Variants in TENM4 observed in about 807,000 individuals in gnomAD.
TENM4 encodes the protein teneurin transmembrane protein 4.
In TENM4, 82 loss-of-function variants were observed where a neutral mutation model predicts 243.3. The observed-to-expected ratio is 0.34, with a 90% CI of 0.28 to 0.40. The LOEUF (loss-of-function observed/expected upper bound fraction) is 0.40, where lower values mean the gene tolerates loss of function less well. Ranked by LOEUF, TENM4 falls within the 10% of genes least tolerant of loss-of-function variation. The pLI is 1.00. For missense variants in TENM4, 3,138 were observed against 3,673.3 expected (o/e 0.85, Z 3.77); for synonymous variants, 1,412 against 1,456.3 (o/e 0.97, Z 0.69).
chr11:79,284,796 A>C (rs888126358), intron 2 of TENM4, among the ~76,000 whole-genome samples: 5 of 152,248 alleles, frequency 3.3e-5, no homozygotes, highest in African/African-American at 9.6e-5. Flanking sequence ...TGCAAATCAT[A>C]TATCAGACAA....
intron 2 of TENM4, among the ~76,000 whole-genome samples, chr11:79,265,136 T>A (rs1855861956): frequency 6.6e-6 from 1 of 152,160 alleles, no homozygotes; most frequent in South Asian, 2.1e-4. Flanking sequence ...AACTGACAGA[T>A]CTCAGTTCCT....
intron 6 of TENM4, among the ~76,000 whole-genome samples, chr11:79,046,389 T>G (rs189190015): frequency 6.6e-6 from 1 of 152,288 alleles, no homozygotes; most frequent in Admixed American, 6.5e-5. Context: ...TAAAAGAGCC[T>G]GTCATAGTGC....
chr11:79,393,259 C>A (rs1458661555), intron 1 of TENM4, among the ~76,000 whole-genome samples: 1 of 152,044 alleles, frequency 6.6e-6, no homozygotes, highest in East Asian at 1.9e-4. Context: ...AAAGAAGAGG[C>A]TCCGAGATCA....
chr11:79,010,508 T>C (rs1565165947), intron 6 of TENM4, among the ~76,000 whole-genome samples: 1 of 151,946 alleles, frequency 6.6e-6, no homozygotes, highest in Non-Finnish European at 1.5e-5. Flanking sequence ...GGGTAACTTA[T>C]AAAGAAAAAG....
intron 3 of TENM4, among the ~76,000 whole-genome samples, chr11:79,173,865 A>G (rs1251635326): frequency 6.6e-6 from 1 of 152,250 alleles, no homozygotes; most frequent in Admixed American, 6.5e-5. Context: ...GCCCAGAAGA[A>G]TGTCTTCAGG....
At chr11:78,973,312 AT>A (rs1307212240) in intron 6 of TENM4, among the ~76,000 whole-genome samples, 1 of 152,168 alleles carries the variant, frequency 6.6e-6, no homozygotes, top group Non-Finnish European at 1.5e-5. Context: ...GAGGGTGCCA[AT>A]TTCTCCACAT....
chr11:78,914,090 G>A (rs1035851573), intron 6 of TENM4, among the ~76,000 whole-genome samples: 3 of 152,158 alleles, frequency 2.0e-5, no homozygotes, highest in East Asian at 1.9e-4. Context: ...CCAATCACAC[G>A]GTGTATTCAA....
chr11:79,436,570 C>A (rs1403312177), intron 1 of TENM4, among the ~76,000 whole-genome samples: 1 of 152,142 alleles, frequency 6.6e-6, no homozygotes, highest in Non-Finnish European at 1.5e-5. Flanking sequence ...GAAGAGAGTC[C>A]GTGGGAACCC....
chr11:78,745,783 T>C (rs772350374), intron 19 of TENM4, among the ~76,000 whole-genome samples: 9 of 152,238 alleles, frequency 5.9e-5, no homozygotes, highest in Non-Finnish European at 7.3e-5. Flanking sequence ...ATAGTGTGTA[T>C]GTGACTTTTT....
chr11:78,782,829 C>A (rs1306352288), intron 16 of TENM4, among the ~76,000 whole-genome samples: 2 of 149,804 alleles, frequency 1.3e-5, no homozygotes, highest in Non-Finnish European at 3.0e-5. Flanking sequence ...TTTATAATTT[C>A]TCTTCATTGG....
In TENM4 at chr11:79,102,705, T is replaced by A. The variant is rs1455092547; in HGVS notation, c.-65-32696A>T. ...CCTCAAGTGATCTTTCCAAAGCAAC[T>A]CTGTCCAAAAAGGACTTTCTGTCAC... On this transcript the variant is annotated intron_variant, in intron 4 of 33. Coordinates refer to ENST00000278550, the MANE Select transcript of TENM4 (RefSeq NM_001098816.3). 2.0e-5 allele frequency among the ~76,000 whole-genome samples: 3 copies of A among 152,220 alleles called. No homozygotes were observed. The South Asian group carries it at 6.2e-4, about 32-fold the overall frequency.
intron 6 of TENM4, among the ~76,000 whole-genome samples, chr11:78,928,358 A>G (rs1344207940): frequency 6.6e-6 from 1 of 152,184 alleles, no homozygotes; most frequent in Non-Finnish European, 1.5e-5. Flanking sequence ...TTAACACTAC[A>G]GGTATATATA....
At chr11:79,214,597 A>G (rs1376191667) in intron 3 of TENM4, among the ~76,000 whole-genome samples, 2 of 152,238 alleles carry the variant, frequency 1.3e-5, no homozygotes, top group Non-Finnish European at 2.9e-5. Context: ...TTCCTATAAA[A>G]TAGAAATCAT....
chr11:79,321,685 T>C (rs1296361755), intron 1 of TENM4, among the ~76,000 whole-genome samples: 1 of 145,670 alleles, frequency 6.9e-6, no homozygotes, highest in African/African-American at 2.5e-5. Flanking sequence ...ACTTGGGACA[T>C]GCCAAAGGGG....
At chr11:78,969,757 G>A (rs1857503948) in intron 6 of TENM4, among the ~76,000 whole-genome samples, 1 of 152,150 alleles carries the variant, frequency 6.6e-6, no homozygotes, top group South Asian at 2.1e-4. Flanking sequence ...TTTTTCCCTG[G>A]TAATTCCCTG....
intron 6 of TENM4, among the ~76,000 whole-genome samples, chr11:78,974,598 A>G (rs1396934792): frequency 6.6e-6 from 1 of 152,142 alleles, no homozygotes; most frequent in East Asian, 1.9e-4. Context: ...TAAATGCATA[A>G]AAGCATGCAT....
intron 6 of TENM4, among the ~76,000 whole-genome samples, chr11:79,047,794 T>C (rs888983019): frequency 2.6e-5 from 4 of 152,072 alleles, no homozygotes; most frequent in African/African-American, 9.7e-5. Context: ...CCTATTTCTG[T>C]AGCTGCAAAA....
intron 2 of TENM4, among the ~76,000 whole-genome samples, chr11:79,245,760 T>G (rs943557926): frequency 6.6e-6 from 1 of 151,164 alleles, no homozygotes; most frequent in Non-Finnish European, 1.5e-5. Flanking sequence ...GCCAACATGG[T>G]GAAACCCTGT....
intron 2 of TENM4, among the ~76,000 whole-genome samples, chr11:79,240,476 T>C (rs1319644874): frequency 1.3e-5 from 2 of 152,206 alleles, no homozygotes; most frequent in East Asian, 3.8e-4. Context: ...TATGCTGTCT[T>C]ATTGTGACTA....
Sources: gnomAD v4.1 joint callset for allele counts (sites outside exome capture counted in the v4.1 genomes callset) on GRCh38, gnomAD v4.1.1 for gene constraint, MANE v1.5 for transcripts, NCBI Gene and HGNC (gene_info 2026-07-23, HGNC 2026-07-21) for gene names.